PCDHGB1: variants seen among roughly 807,000 people sequenced by gnomAD.
The protein encoded by PCDHGB1 is protocadherin gamma subfamily B, 1.
PCDHGB1 carries 34 observed loss-of-function variants against 56.6 expected under a neutral mutation model. The observed-to-expected ratio is 0.60, with a 90% CI of 0.46 to 0.80. PCDHGB1 has a LOEUF of 0.80. Among genes scored for constraint, PCDHGB1 ranks in the 30% least tolerant of loss-of-function variants. The pLI is 0.00. For missense variants in PCDHGB1, 1,278 were observed against 1,204.6 expected (o/e 1.06, Z -0.90); for synonymous variants, 561 against 505.9 (o/e 1.11, Z -1.46).
At chr5:141,423,826 A>G (rs1324911075) in intron 1 of PCDHGB1, 21 of 1,275,178 alleles carry the variant, frequency 1.6e-5, no homozygotes, top group Middle Eastern at 2.2e-4. Flanking sequence ...TTTGCCTTTC[A>G]TGAGATTACG....
At chr5:141,364,982 G>A (rs745559474) in intron 1 of PCDHGB1, 1 of 1,613,868 alleles carries the variant, frequency 6.2e-7, no homozygotes, top group South Asian at 1.1e-5. Flanking sequence ...TTTAGATGGC[G>A]GAGACCCGGT....
chr5:141,468,330 C>CAAAAAAAAAAA (rs533390277), intron 1 of PCDHGB1: 4 of 79,798 alleles, frequency 5.0e-5, no homozygotes, highest in Non-Finnish European at 1.1e-4. Flanking sequence ...AACTCCATCT[C>CAAAAAAAAAAA]AAAAAAAAAA....
At chr5:141,450,006 C>CTATTTTTTTTTTTT (rs70988802) in intron 1 of PCDHGB1, among the ~76,000 whole-genome samples, 1 of 132,966 alleles carries the variant, frequency 7.5e-6, no homozygotes, top group Non-Finnish European at 1.6e-5. Flanking sequence ...TGCCATGTCT[C>CTATTTTTTTTTTTT]TTTTTTTTTT....
At chr5:141,376,271 G>A (rs761909915) in intron 1 of PCDHGB1, 2 of 1,614,104 alleles carry the variant, frequency 1.2e-6, no homozygotes, top group African/African-American at 2.7e-5. Flanking sequence ...GGCTTCGGGA[G>A]GTGGCTTAGC....
rs911954966 is a variant in PCDHGB1, at chr5:141,491,081, C to G, written c.2410-3726C>G. On this transcript the variant is annotated intron_variant, in intron 1 of 3. Coordinates refer to ENST00000523390, the MANE Select transcript of PCDHGB1 (RefSeq NM_018922.3). This position sits in a 1 kb window ranked among gnomAD's most constrained non-coding sequence, Gnocchi z 6.9. ...TCCTACTCACTGTTGCCACAGTCCACAGCCCCAGGACTGTTCCTCGTGTCT... is the reference window on the plus strand; with the variant it reads ...TCCTACTCACTGTTGCCACAGTCCAGAGCCCCAGGACTGTTCCTCGTGTCT... The G allele has an allele frequency of 4.3e-6, 7 of 1,614,176 alleles. No individual in the cohort carries two copies. Among genetic ancestry groups the G allele is most frequent in the Non-Finnish European group, 5.9e-6 (7 of 1,180,010 alleles).
intron 1 of PCDHGB1, among the ~76,000 whole-genome samples, chr5:141,358,371 C>T (rs1760899906): frequency 6.6e-6 from 1 of 152,170 alleles, no homozygotes; most frequent in Admixed American, 6.5e-5. Context: ...CCTATTTTCA[C>T]ACTCTACCAT....
At chr5:141,376,005 G>A (rs1265900699) in intron 1 of PCDHGB1, 1 of 1,613,430 alleles carries the variant, frequency 6.2e-7, no homozygotes, top group Non-Finnish European at 8.5e-7. Flanking sequence ...CTCAAGCAGA[G>A]CCTAGTGGTG....
intron 1 of PCDHGB1, among the ~76,000 whole-genome samples, chr5:141,463,641 C>T (rs182957065): frequency 2.0e-5 from 3 of 151,734 alleles, no homozygotes; most frequent in African/African-American, 7.2e-5. Context: ...TTAGTAGAGA[C>T]GGGGTTTCAC....
In PCDHGB1 at chr5:141,511,035, C is replaced by T. The variant is rs373005862; in HGVS notation, c.2646C>T (p.His882=). Residue 882 remains histidine (H), a synonymous_variant, in exon 4 of 4, where the codon CAC becomes CAT. Transcript: ENST00000523390. ...ACGGACCCCAGTTCACCCTGCAGCA[C>T]GTGCCCGACTACCGCCAGAATGTCT... ...ARYGPQFTLQ[H]VPDYRQNVYI... The T allele has an allele frequency of 1.7e-5, 27 of 1,614,208 alleles. No individual in the cohort carries two copies. The African/African-American group carries it at 2.9e-4, about 18-fold the overall frequency.
chr5:141,485,607 C>T lies in PCDHGB1; in HGVS notation c.2410-9200C>T. On this transcript the variant is annotated intron_variant, in intron 1 of 3. Coordinates refer to ENST00000523390, the MANE Select transcript of PCDHGB1 (RefSeq NM_018922.3). The surrounding 1 kb of genome is among the most constrained non-coding windows in gnomAD (Gnocchi z 5.7). ...CAGCTGGACTTGGAAATTGGGGAGG[C>T]AGCTCCTCCAGGACAGCGTTTCCCG... is the stretch of plus-strand genomic sequence containing the variant. 1 of 1,612,008 alleles carries T rather than the reference C, an allele frequency of 6.2e-7. No individual in the cohort carries two copies. The highest frequency in any genetic ancestry group is 8.5e-7 in the Non-Finnish European group (1 of 1,178,534).
At chr5:141,440,696 A>G (rs2098194818) in intron 1 of PCDHGB1, 1 of 152,210 alleles carries the variant, frequency 6.6e-6, no homozygotes, top group Non-Finnish European at 1.5e-5. Flanking sequence ...AAAGTGACCA[A>G]CAGTGGAAAG....
intron 1 of PCDHGB1, chr5:141,402,858 G>A: frequency 1.4e-6 from 2 of 1,427,466 alleles, no homozygotes; most frequent in Admixed American, 2.9e-5. Context: ...TTTCTTCTAA[G>A]GAAAAGATCA....
Position 141,413,755 on chromosome 5 carries a change from A to T in PCDHGB1, c.2409+61086A>T, listed in dbSNP as rs199577406. On this transcript the variant is annotated intron_variant, in intron 1 of 3. Transcript: ENST00000523390. ...AGTTCAGAGCCGTGCCAATGGCGTC[A>T]AGTACCCGGAGCTGGTACTGGAGCA... 1.6e-4 allele frequency: 266 copies of T among 1,612,936 alleles called. 3 individuals carry two copies. In the South Asian group the frequency reaches 2.3e-3, roughly 14 times the overall value.
At chr5:141,409,567 G>T (rs974585499) in intron 1 of PCDHGB1, 2 of 1,613,896 alleles carry the variant, frequency 1.2e-6, no homozygotes, top group Non-Finnish European at 1.7e-6. Context: ...TCGACCAGAC[G>T]TCCTACGTGG....
chr5:141,402,223 T>C (rs1329025694), intron 1 of PCDHGB1, among the ~76,000 whole-genome samples: 1 of 152,054 alleles, frequency 6.6e-6, no homozygotes, highest in Non-Finnish European at 1.5e-5. Context: ...AAATAAACGT[T>C]TTTCCAGGAA....
At chr5:141,404,692 C>G (rs543452623) in intron 1 of PCDHGB1, 2 of 1,614,080 alleles carry the variant, frequency 1.2e-6, no homozygotes, top group South Asian at 2.2e-5. Context: ...TGGCACCCCG[C>G]TCTGCAGAGC....
At chr5:141,444,876 G>A (rs921183358) in intron 1 of PCDHGB1, among the ~76,000 whole-genome samples, 1 of 152,186 alleles carries the variant, frequency 6.6e-6, no homozygotes, top group African/African-American at 2.4e-5. Flanking sequence ...GACAAAGCTT[G>A]TAGGATTTTT....
rs1175280816 is a variant in PCDHGB1 at position 141,511,121 on chromosome 5, C to T, written c.2732C>T (p.Pro911Leu). 2 of 1,614,102 alleles carry T rather than the reference C, an allele frequency of 1.2e-6. No homozygotes were observed. Among genetic ancestry groups the T allele is most frequent in the African/African-American group, 1.3e-5 (1 of 74,938 alleles). Residue 911 changes from proline (P) to leucine (L), a missense_variant, in exon 4 of 4, where the codon CCA becomes CTA. Transcript: ENST00000523390. ...GCTGGCAAGCGGGATGGCAAGGCCCCAGCAGGTGGCAATGGCAACAAGAAG... is the reference window on the plus strand; with the variant it reads ...GCTGGCAAGCGGGATGGCAAGGCCCTAGCAGGTGGCAATGGCAACAAGAAG... ...NAAGKRDGKA[P>L]AGGNGNKKKS...
chr5:141,505,249 G>T, intron 2 of PCDHGB1, 144 bp from the exon 3 acceptor site: 1 of 1,447,748 alleles, frequency 6.9e-7, no homozygotes, highest in Non-Finnish European at 9.2e-7. Flanking sequence ...GATTGTAGAA[G>T]TGCCTCCTAC....
Sources: gnomAD v4.1 joint callset for allele counts (sites outside exome capture counted in the v4.1 genomes callset) on GRCh38, gnomAD v4.1.1 for gene constraint, Gnocchi (gnomAD v3.1) non-coding constraint, MANE v1.5 for transcripts, NCBI Gene and HGNC (gene_info 2026-07-23, HGNC 2026-07-21) for gene names.